The following TLE1 variants were observed in gnomAD, a reference collection of about 807,000 sequenced individuals.
TLE1 encodes the protein TLE family member 1, transcriptional corepressor.
In TLE1, 21 loss-of-function variants were observed where a neutral mutation model predicts 89.8. The observed-to-expected ratio is 0.23, with a 90% CI of 0.17 to 0.34. The LOEUF (loss-of-function observed/expected upper bound fraction) is 0.34, where lower values mean the gene tolerates loss of function less well. Ranked by LOEUF, TLE1 falls within the 10% of genes least tolerant of loss-of-function variation. The pLI is 1.00. For synonymous variants in TLE1, 447 were observed against 407.6 expected, an observed-to-expected ratio of 1.10 and a Z score of -1.16; for missense variants, 795 against 1,031.2, an observed-to-expected ratio of 0.77 and a Z score of 3.14.
At chr9:81,623,482 T>C (rs1334382758) in intron 8 of TLE1, among the ~76,000 whole-genome samples, 1 of 151,940 alleles carries the variant, frequency 6.6e-6, no homozygotes, top group Non-Finnish European at 1.5e-5. Context: ...TTAAGCTATT[T>C]GAAAATGGTC....
At chr9:81,621,000 G>A in intron 8 of TLE1, 2 of 398,648 alleles carry the variant, frequency 5.0e-6, no homozygotes, top group Non-Finnish European at 9.9e-6. Flanking sequence ...AAAGGAAGCG[G>A]TGGGATTAAC....
chr9:81,686,556 C>T (rs1224581877), intron 2 of TLE1, among the ~76,000 whole-genome samples: 1 of 152,202 alleles, frequency 6.6e-6, no homozygotes, highest in Non-Finnish European at 1.5e-5. Flanking sequence ...TTCGCCTCAT[C>T]TGTGTGCTTT....
chr9:81,677,438 G>A (rs1440321835), intron 4 of TLE1, among the ~76,000 whole-genome samples: 4 of 150,972 alleles, frequency 2.6e-5, no homozygotes, highest in South Asian at 2.1e-4. Context: ...CGTGGCAGAC[G>A]CCTGTAATTC....
intron 8 of TLE1, among the ~76,000 whole-genome samples, chr9:81,631,073 G>T (rs1826530703): frequency 6.6e-6 from 1 of 152,136 alleles, no homozygotes. Context: ...TCAAAAATTT[G>T]ATATAAAAAA....
At chr9:81,660,602 G>A (rs1311670544) in intron 4 of TLE1, among the ~76,000 whole-genome samples, 1 of 150,746 alleles carries the variant, frequency 6.6e-6, no homozygotes, top group African/African-American at 2.4e-5. Flanking sequence ...ATTTTTAGTA[G>A]AGACGGGGTT....
intron 6 of TLE1, among the ~76,000 whole-genome samples, chr9:81,648,997 T>C (rs560772539): frequency 3.3e-5 from 5 of 152,308 alleles, no homozygotes; most frequent in Admixed American, 6.5e-5. Context: ...ATCCTTTTCA[T>C]TGTGACAAGA....
chr9:81,659,473 G>A (rs771382662), intron 4 of TLE1, among the ~76,000 whole-genome samples: 1 of 152,124 alleles, frequency 6.6e-6, no homozygotes, highest in Non-Finnish European at 1.5e-5. Context: ...CAATAAATCT[G>A]CATTCAAGAG....
chr9:81,593,945 TC>T, intron 14 of TLE1, among the ~76,000 whole-genome samples: 1 of 152,248 alleles, frequency 6.6e-6, no homozygotes, highest in Middle Eastern at 3.4e-3. Flanking sequence ...AAACTACTCT[TC>T]CCCGGTCTCC....
chr9:81,651,225 T>G (rs183264063), intron 6 of TLE1, among the ~76,000 whole-genome samples: 27 of 152,348 alleles, frequency 1.8e-4, no homozygotes, highest in Non-Finnish European at 2.6e-4. Flanking sequence ...GATTTGAATC[T>G]GCTCAAGGCA....
intron 8 of TLE1, among the ~76,000 whole-genome samples, chr9:81,621,453 T>C (rs554734179): frequency 2.0e-5 from 3 of 152,276 alleles, no homozygotes; most frequent in Admixed American, 6.5e-5. Context: ...CCCTGAACAA[T>C]GTTGAATGAG....
intron 4 of TLE1, among the ~76,000 whole-genome samples, chr9:81,664,727 A>C (rs1235001916): frequency 6.6e-6 from 1 of 151,628 alleles, no homozygotes; most frequent in Admixed American, 6.6e-5. Context: ...AAAATAAGTG[A>C]GGTACCTTTA....
At chr9:81,633,288 CGTGTGTGT>C (rs56327119) in intron 8 of TLE1, 52 bp downstream of exon 8, 16,129 of 1,567,486 alleles carry the variant, frequency 0.01, 156 homozygotes, top group African/African-American at 0.077. Flanking sequence ...AGAAGGGGAC[CGTGTGTGT>C]GTGTGTGTGT....
intron 4 of TLE1, among the ~76,000 whole-genome samples, chr9:81,669,284 C>T (rs1831902903): frequency 6.6e-6 from 1 of 152,196 alleles, no homozygotes; most frequent in African/African-American, 2.4e-5. Context: ...TGACCTCAGA[C>T]CAATTTTCAT....
chr9:81,648,274 A>AAAG (rs1162005115), intron 6 of TLE1, among the ~76,000 whole-genome samples: 3 of 151,624 alleles, frequency 2.0e-5, no homozygotes, highest in Non-Finnish European at 4.4e-5. Context: ...CTGTCTCCAA[A>AAAG]AAAAAAAAAA....
intron 16 of TLE1, among the ~76,000 whole-genome samples, chr9:81,590,323 A>G (rs1216255403): frequency 6.6e-6 from 1 of 152,166 alleles, no homozygotes; most frequent in Admixed American, 6.5e-5. Flanking sequence ...GGGCAGGTCT[A>G]TTTCATTATT....
At chr9:81,617,348 T>C (rs963570222) in intron 9 of TLE1, among the ~76,000 whole-genome samples, 1 of 152,200 alleles carries the variant, frequency 6.6e-6, no homozygotes, top group Non-Finnish European at 1.5e-5. Flanking sequence ...CATAAAGCTA[T>C]CATATTTACT....
chr9:81,616,790 A>G, intron 9 of TLE1, 91 bp from the exon 10 acceptor site: 3 of 1,502,062 alleles, frequency 2.0e-6, no homozygotes, highest in Non-Finnish European at 2.8e-6. Flanking sequence ...CTGGTAGCAG[A>G]CAGACTAAAA....
At chr9:81,675,539 C>A (rs1832764979) in intron 4 of TLE1, among the ~76,000 whole-genome samples, 1 of 151,962 alleles carries the variant, frequency 6.6e-6, no homozygotes, top group Non-Finnish European at 1.5e-5. Context: ...TTAGTCCAAA[C>A]CCAAACATAT....
intron 2 of TLE1, 90 bp downstream of exon 2, chr9:81,687,244 G>C: frequency 1.9e-6 from 2 of 1,065,982 alleles, no homozygotes; most frequent in South Asian, 1.4e-5. Flanking sequence ...CTGGACGCAA[G>C]AACTAAGTAC....
Sources: allele counts gnomAD v4.1 joint callset (sites outside exome capture counted in the v4.1 genomes callset), GRCh38; gene constraint gnomAD v4.1.1; transcripts MANE v1.5; gene names NCBI Gene and HGNC (gene_info 2026-07-23, HGNC 2026-07-21).